SON: variants seen among roughly 807,000 people sequenced by gnomAD.
SON encodes the protein SON DNA and RNA binding protein.
Under a neutral mutation model 173.3 loss-of-function variants are expected in SON, and 4 were observed. The ratio of observed to expected loss-of-function variants is 0.02; its 90% CI spans 0.01 to 0.05. The LOEUF (loss-of-function observed/expected upper bound fraction) is 0.05, where lower values mean the gene tolerates loss of function less well. Ranked by LOEUF, SON falls within the 10% of genes least tolerant of loss-of-function variation. The pLI, the probability that SON is intolerant of heterozygous loss-of-function variation, is 1.00. For synonymous variants in SON, 1,190 were observed against 1,105.9 expected (o/e 1.08, Z -1.51); for missense variants, 2,626 against 3,055.3 (o/e 0.86, Z 3.31).
rs2086387411 is a variant in SON at position 33,575,854 on chromosome 21, T to C, written c.7182T>C (p.His2394=). The C allele has an allele frequency of 6.2e-7, 1 of 1,607,502 alleles. No homozygotes were observed. Among genetic ancestry groups the C allele is most frequent in the Non-Finnish European group, 8.5e-7 (1 of 1,174,032 alleles). ...RWQPPEFLLV[H]DSGPDHRKHF... ...AACCACCTGAATTTCTATTGGTCCA[T>C]GATAGTGGCCCTGATCATCGCAAAC... The change falls in exon 11 of 12, where the codon CAT becomes CAC. Residue 2394 remains histidine (H), a synonymous_variant. Coordinates refer to ENST00000356577, the MANE Select transcript of SON (RefSeq NM_138927.4).
At chr21:33,549,323 T>G (rs544757980) in intron 2 of SON, among the ~76,000 whole-genome samples, 153 bp from the exon 3 acceptor site, 12 of 152,316 alleles carry the variant, frequency 7.9e-5, no homozygotes, top group Admixed American at 7.8e-4. Flanking sequence ...TCCACCTGCC[T>G]TGGCCTCTCA....
Position 33,554,648 on chromosome 21 carries a change from A to G in SON, c.5417A>G (p.Asn1806Ser). The G allele has an allele frequency of 6.2e-7, 1 of 1,613,208 alleles. No individual in the cohort carries two copies. Among genetic ancestry groups the G allele is most frequent in the Non-Finnish European group, 8.5e-7 (1 of 1,179,864 alleles). Reference sequence around the variant, plus strand: ...GACACTCACGAAAAAAGCAAGAAAAATAAGAACCGTGATAAGGGGGAGAAA... The same window carrying G: ...GACACTCACGAAAAAAGCAAGAAAAGTAAGAACCGTGATAAGGGGGAGAAA... ...VKDTHEKSKK[N>S]KNRDKGEKEK... The change falls in exon 3 of 12, where the codon AAT becomes AGT. Residue 1806 changes from asparagine to serine, a missense_variant. Around this residue, in one of 13 missense-constraint regions of SON, gnomAD observed 1,006 missense variants for 895.6 expected, o/e 1.12. Transcript: ENST00000356577.
At chr21:33,548,173 A>G (rs568434702) in intron 2 of SON, among the ~76,000 whole-genome samples, 1 of 152,316 alleles carries the variant, frequency 6.6e-6, no homozygotes, top group Non-Finnish European at 1.5e-5. Flanking sequence ...TGTAAATTCA[A>G]ACCTTCTTAA....
At chr21:33,574,715 G>A (rs1014358255) in intron 9 of SON, among the ~76,000 whole-genome samples, 1 of 152,136 alleles carries the variant, frequency 6.6e-6, no homozygotes, top group African/African-American at 2.4e-5. Context: ...CACACTTCTG[G>A]TCCCAAGCAT....
At chr21:33,568,421 G>A (rs1385647884) in intron 7 of SON, among the ~76,000 whole-genome samples, 1 of 152,138 alleles carries the variant, frequency 6.6e-6, no homozygotes, top group Non-Finnish European at 1.5e-5. Flanking sequence ...GCTTGAACTC[G>A]GGAGGAGGAG....
chr21:33,557,901 AT>A (rs2085998542), intron 4 of SON: 1 of 234,404 alleles, frequency 4.3e-6, no homozygotes, highest in African/African-American at 2.3e-5. Flanking sequence ...AAACACACTT[AT>A]TTTTGTTTTT....
intron 8 of SON, among the ~76,000 whole-genome samples, chr21:33,570,757 A>G (rs556139803): frequency 6.6e-6 from 1 of 152,306 alleles, no homozygotes; most frequent in South Asian, 2.1e-4. Context: ...GAAGTTAGAA[A>G]TAAAGCTTAT....
intron 1 of SON, among the ~76,000 whole-genome samples, chr21:33,544,653 C>G (rs1389383692): frequency 6.6e-6 from 1 of 152,272 alleles, no homozygotes; most frequent in Admixed American, 6.5e-5. Context: ...GTCTTTTGGA[C>G]TTCTTCATGG....
At chr21:33,557,559 A>T in intron 4 of SON, 1 of 1,550,582 alleles carries the variant, frequency 6.4e-7, no homozygotes, top group Non-Finnish European at 8.7e-7. Context: ...TAGAAGCCAA[A>T]CTGACTGAGG....
Position 33,552,991 on chromosome 21 carries a change from G to C in SON, c.3760G>C (p.Glu1254Gln). The C allele has an allele frequency of 6.2e-7, 1 of 1,614,172 alleles. No individual in the cohort carries two copies. Among genetic ancestry groups the C allele is most frequent in the Non-Finnish European group, 8.5e-7 (1 of 1,180,036 alleles). The change falls in exon 3 of 12, where the codon GAG becomes CAG. Residue 1254 changes from glutamate to glutamine, a missense_variant. Coordinates refer to ENST00000356577, the MANE Select transcript of SON (RefSeq NM_138927.4). The surrounding 1 kb of genome is among the most constrained non-coding windows in gnomAD (Gnocchi z 5.6). Reference protein sequence around the residue: ...AAVTVPEPPPEPESSITLTPV... With the variant: ...AAVTVPEPPPQPESSITLTPV... ...TGTGACTGTTCCAGAACCACCACCA[G>C]AGCCAGAATCTTCAATTACGTTAAC...
chr21:33,550,484 G>C lies in SON; in HGVS notation c.1253G>C (p.Gly418Ala). 1 of 1,613,816 alleles carries C rather than the reference G, an allele frequency of 6.2e-7. No individual in the cohort carries two copies. ...GCTACCCCGGTGCCAGAGTTGCCAG[G>C]GCCCCTTTCTACCCCAGTGCCTGAG... Reference protein sequence around the residue: ...PSATPVPELPGPLSTPVPELP... With the variant: ...PSATPVPELPAPLSTPVPELP... Residue 418 changes from glycine to alanine, a missense_variant, in exon 3 of 12, where the codon GGG (glycine) becomes GCG (alanine). Coordinates refer to ENST00000356577, the MANE Select transcript of SON (RefSeq NM_138927.4).
chr21:33,569,672 GCAA>G (rs1461684617), intron 8 of SON: 2 of 446,416 alleles, frequency 4.5e-6, no homozygotes, highest in South Asian at 3.3e-5. Context: ...GCTGGTTACA[GCAA>G]GTGGTTGGGA....
Position 33,553,311 on chromosome 21 carries a change from G to A in SON, c.4080G>A (p.Leu1360=), listed in dbSNP as rs751578594. 5.7e-6 allele frequency: 9 copies of A among 1,583,278 alleles called. No individual in the cohort carries two copies. In the South Asian group the frequency reaches 1.0e-4, roughly 18 times the overall value. The part of the protein sequence containing the change: ...AAPESSAMAV[L]ESSAVTVLES... ...CAGAGTCTTCAGCTATGGCTGTCCT[G>A]GAGTCTTCGGCTGTGACCGTCCTGG... Residue 1360 remains leucine (L), a synonymous_variant, in exon 3 of 12, where the codon CTG becomes CTA. Transcript: ENST00000356577.
chr21:33,556,584 C>T (rs545153468), intron 3 of SON, among the ~76,000 whole-genome samples: 9 of 151,846 alleles, frequency 5.9e-5, no homozygotes, highest in South Asian at 2.1e-4. Flanking sequence ...TGTGGTGGCA[C>T]GCGCCTGTAG....
chr21:33,552,272 A>G lies in SON; in HGVS notation c.3041A>G (p.Glu1014Gly). The G allele has an allele frequency of 6.2e-7, 1 of 1,614,066 alleles. No individual in the cohort carries two copies. Among genetic ancestry groups the G allele is most frequent in the Non-Finnish European group, 8.5e-7 (1 of 1,180,006 alleles). ...AAERSMMSSY[E>G]RSMMSYERSM... The stretch of plus-strand genomic sequence containing the variant: ...GAACGTTCCATGATGTCATCTTACG[A>G]ACGCTCTATGATGTCTTATGAGCGG... Residue 1014 changes from glutamate to glycine, a missense_variant, in exon 3 of 12, where the codon GAA becomes GGA. Physicochemically the swap from Glu to Gly is moderately conservative, Grantham distance 98. Around this residue, in one of 13 missense-constraint regions of SON, gnomAD observed 366 missense variants for 448.6 expected, o/e 0.82. Transcript: ENST00000356577. This position sits in a 1 kb window ranked among gnomAD's most constrained non-coding sequence, Gnocchi z 5.6.
intron 8 of SON, chr21:33,572,226 C>G (rs1306985150): frequency 2.0e-5 from 3 of 147,578 alleles, no homozygotes; most frequent in African/African-American, 5.0e-5. Context: ...ACATAAAAAC[C>G]TAAAATTTAG....
rs2085756732 is a variant in SON at position 33,550,768 on chromosome 21, T to G, written c.1537T>G (p.Leu513Val). The change falls in exon 3 of 12, where the codon TTG becomes GTG. Residue 513 changes from leucine to valine, a missense_variant. Physicochemically the swap from Leu to Val is conservative, Grantham distance 32. Around this residue, in one of 13 missense-constraint regions of SON, gnomAD observed 757 missense variants for 730.1 expected, o/e 1.04. Coordinates refer to ENST00000356577, the MANE Select transcript of SON (RefSeq NM_138927.4). ...LTEQPVTTTELEQPVGMTTVE... is the reference protein window; with the variant it reads ...LTEQPVTTTEVEQPVGMTTVE... ...CGAACAACCTGTGACGACGACAGAG[T>G]TGGAGCAGCCTGTGGGGATGACAAC... 3 of 1,613,810 alleles carry G rather than the reference T, an allele frequency of 1.9e-6. No homozygotes were observed. Among genetic ancestry groups the G allele is most frequent in the Non-Finnish European group, 2.5e-6 (3 of 1,179,946 alleles).
Position 33,546,210 on chromosome 21 carries a change from A to G in SON, c.78-3A>G. 1 of 1,591,494 alleles carries G rather than the reference A, an allele frequency of 6.3e-7. No individual in the cohort carries two copies. The highest frequency in any genetic ancestry group is 8.5e-7 in the Non-Finnish European group (1 of 1,173,440). ...ATGAATTTCGATAACTTTTCATGTCAAGTGGAAGGAATGAAGGCCAGCTGA... is the reference window on the plus strand; with the variant it reads ...ATGAATTTCGATAACTTTTCATGTCGAGTGGAAGGAATGAAGGCCAGCTGA... On this transcript the variant is annotated splice_region_variant and splice_polypyrimidine_tract_variant and intron_variant, in intron 1 of 11. Transcript: ENST00000356577.
In SON at chr21:33,553,824, T is replaced by C. The variant is rs73900350; in HGVS notation, c.4593T>C (p.Asn1531=). Residue 1531 remains asparagine, a synonymous_variant, in exon 3 of 12, where the codon AAT becomes AAC. Coordinates refer to ENST00000356577, the MANE Select transcript of SON (RefSeq NM_138927.4). ...GDFYESEHGI[N]IDLNINNHLI... ...TTTACGAAAGTGAACATGGTATAAA[T>C]ATAGACCTTAATATAAATAATCATT... 6.3e-4 allele frequency: 1,019 copies of C among 1,613,954 alleles called. 5 individuals are homozygous for C. In the African/African-American group the frequency reaches 7.8e-3, roughly 12 times the overall value.
Sources: allele counts gnomAD v4.1 joint callset (sites outside exome capture counted in the v4.1 genomes callset), GRCh38; gene constraint gnomAD v4.1.1; regional missense constraint gnomAD v4.1.1; non-coding constraint Gnocchi (gnomAD v3.1); transcripts MANE v1.5; gene names NCBI Gene and HGNC (gene_info 2026-07-23, HGNC 2026-07-21).